THSD7A: variants seen among roughly 807,000 people sequenced by gnomAD.
THSD7A encodes thrombospondin type-1 domain-containing protein 7A.
In THSD7A, 96 loss-of-function variants were observed where a neutral mutation model predicts 231.3. That is an observed-to-expected ratio of 0.41 (90% CI 0.35 to 0.49). THSD7A has a LOEUF of 0.49. THSD7A is among the 20% of genes least tolerant of loss of function. THSD7A has a pLI of 0.05. For missense variants in THSD7A, 2,290 were observed against 2,070.2 expected, an observed-to-expected ratio of 1.11 and a Z score of -2.06; for synonymous variants, 940 against 743.3, an observed-to-expected ratio of 1.26 and a Z score of -4.30.
At chr7:11,542,156 G>A (rs1184248971) in intron 5 of THSD7A, among the ~76,000 whole-genome samples, 1 of 152,204 alleles carries the variant, frequency 6.6e-6, no homozygotes, top group South Asian at 2.1e-4. Flanking sequence ...AGGTTCAGTT[G>A]ATTTTAGACC....
intron 7 of THSD7A, among the ~76,000 whole-genome samples, chr7:11,475,158 C>A (rs1023054090): frequency 6.6e-6 from 1 of 152,074 alleles, no homozygotes; most frequent in South Asian, 2.1e-4. Context: ...GTAGACTGGG[C>A]TTATGTTATA....
chr7:11,726,401 AT>A (rs1184783679), intron 1 of THSD7A, among the ~76,000 whole-genome samples: 3 of 152,054 alleles, frequency 2.0e-5, no homozygotes, highest in Non-Finnish European at 4.4e-5. Flanking sequence ...AAACACACTG[AT>A]TCATAATGAA....
chr7:11,474,666 T>C lies in THSD7A; in HGVS notation c.2018-98A>G. 2 of 983,492 alleles carry C rather than the reference T, an allele frequency of 2.0e-6. No individual in the cohort carries two copies. Among genetic ancestry groups the C allele is most frequent in the East Asian group, 2.7e-5 (1 of 37,582 alleles). 60.9% of individuals were successfully genotyped at this position (983,492 alleles called of 1,614,324 possible). On this transcript the variant is annotated intron_variant, in intron 7 of 27. Coordinates refer to ENST00000423059, the MANE Select transcript of THSD7A (RefSeq NM_015204.3). This position sits in a 1 kb window ranked among gnomAD's most constrained non-coding sequence, Gnocchi z 4.1. The stretch of plus-strand genomic sequence containing the variant: ...ATTAACATGGCTTAGAAATAAAAAG[T>C]GACTTTTCTTCCCCACATCAAGTTC...
At chr7:11,600,426 T>C (rs1259310299) in intron 2 of THSD7A, among the ~76,000 whole-genome samples, 1 of 152,294 alleles carries the variant, frequency 6.6e-6, no homozygotes, top group East Asian at 1.9e-4. Flanking sequence ...ATTTATTTTA[T>C]CAGTATTTAT....
At chr7:11,747,332 T>C (rs1310861711) in intron 1 of THSD7A, among the ~76,000 whole-genome samples, 1 of 151,954 alleles carries the variant, frequency 6.6e-6, no homozygotes, top group Non-Finnish European at 1.5e-5. Flanking sequence ...GGCCTGCTTC[T>C]CTAAGCCTAG....
At chr7:11,603,154 C>G (rs900875847) in intron 2 of THSD7A, among the ~76,000 whole-genome samples, 4 of 151,692 alleles carry the variant, frequency 2.6e-5, no homozygotes, top group Admixed American at 2.0e-4. Context: ...TATCCAGAAT[C>G]TACAATGAAC....
chr7:11,572,564 A>G (rs1470648739), intron 4 of THSD7A, among the ~76,000 whole-genome samples: 4 of 152,156 alleles, frequency 2.6e-5, no homozygotes, highest in African/African-American at 4.8e-5. Flanking sequence ...GCTGCAGTGC[A>G]GTGGCGCAAT....
chr7:11,598,152 C>T (rs554884117), intron 2 of THSD7A, among the ~76,000 whole-genome samples: 3 of 152,096 alleles, frequency 2.0e-5, no homozygotes, highest in Admixed American at 2.0e-4. Context: ...GGAGAAATGG[C>T]CTGATGTGTG....
intron 1 of THSD7A, among the ~76,000 whole-genome samples, chr7:11,815,476 T>C (rs1332588911): frequency 6.6e-6 from 1 of 152,106 alleles, no homozygotes; most frequent in Non-Finnish European, 1.5e-5. Context: ...TATGTACATA[T>C]ATTTAAGCTT....
chr7:11,534,879 T>A (rs967402093), intron 6 of THSD7A, among the ~76,000 whole-genome samples: 1 of 152,194 alleles, frequency 6.6e-6, no homozygotes, highest in African/African-American at 2.4e-5. Flanking sequence ...CACAGTGTCA[T>A]GTGACTGTTG....
chr7:11,570,760 C>T (rs778518325), intron 4 of THSD7A, among the ~76,000 whole-genome samples: 9 of 152,156 alleles, frequency 5.9e-5, no homozygotes, highest in Non-Finnish European at 5.9e-5. Flanking sequence ...AGCATTGCTA[C>T]CCAGCCAGGA....
At chr7:11,760,002 T>C (rs191482358) in intron 1 of THSD7A, among the ~76,000 whole-genome samples, 38 of 152,092 alleles carry the variant, frequency 2.5e-4, no homozygotes, top group African/African-American at 9.1e-4. Flanking sequence ...GTGATACAAA[T>C]ATACACAAAC....
chr7:11,479,643 A>G (rs928236997), intron 7 of THSD7A, among the ~76,000 whole-genome samples: 4 of 116,782 alleles, frequency 3.4e-5, no homozygotes, highest in African/African-American at 1.3e-4. Context: ...GGAAAGATTT[A>G]TTTTGAGTAA....
rs536027228 is a variant in THSD7A at position 11,403,272 on chromosome 7, T to C, written c.4238-1304A>G. 1.3e-3 allele frequency among the ~76,000 whole-genome samples: 193 copies of C among 152,304 alleles called. 1 individual carries two copies. The highest frequency in any genetic ancestry group is 0.01 in the Middle Eastern group (3 of 292). On this transcript the variant is annotated intron_variant, in intron 22 of 27. Coordinates refer to ENST00000423059, the MANE Select transcript of THSD7A (RefSeq NM_015204.3). ...AGATCTGATTAATGGAAAAACTTCT[T>C]GTGTCATGCCTAAGAAGTCCTGGTA...
chr7:11,580,399 C>T (rs1374944888), intron 4 of THSD7A, among the ~76,000 whole-genome samples: 1 of 152,112 alleles, frequency 6.6e-6, no homozygotes, highest in African/African-American at 2.4e-5. Flanking sequence ...CTGACAGATC[C>T]ATACAAGTCA....
intron 1 of THSD7A, among the ~76,000 whole-genome samples, chr7:11,773,625 T>C (rs1783308191): frequency 1.3e-5 from 2 of 152,138 alleles, no homozygotes; most frequent in African/African-American, 2.4e-5. Context: ...TCAAACATAT[T>C]TGAATACATA....
intron 1 of THSD7A, among the ~76,000 whole-genome samples, chr7:11,758,169 T>G (rs1782746043): frequency 6.6e-6 from 1 of 151,814 alleles, no homozygotes; most frequent in Non-Finnish European, 1.5e-5. Flanking sequence ...GAAACTGAAC[T>G]GTTTGCAGCA....
At chr7:11,718,298 G>A (rs569353702) in intron 1 of THSD7A, among the ~76,000 whole-genome samples, 1 of 151,558 alleles carries the variant, frequency 6.6e-6, no homozygotes, top group Admixed American at 6.6e-5. Flanking sequence ...TTTAAATTTT[G>A]TTCCCCCACC....
At chr7:11,589,551 T>C (rs1780068967) in intron 4 of THSD7A, among the ~76,000 whole-genome samples, 1 of 152,206 alleles carries the variant, frequency 6.6e-6, no homozygotes, top group African/African-American at 2.4e-5. Context: ...TACTGGTTTG[T>C]CTACATGCTC....
Sources: gnomAD v4.1 joint callset for allele counts (sites outside exome capture counted in the v4.1 genomes callset) on GRCh38, gnomAD v4.1.1 for gene constraint, Gnocchi (gnomAD v3.1) non-coding constraint, MANE v1.5 for transcripts, NCBI Gene and HGNC (gene_info 2026-07-23, HGNC 2026-07-21) for gene names.